The following BBIP1 variants were observed in gnomAD, a reference collection of about 807,000 sequenced individuals.
BBIP1 encodes the protein BBSome interacting protein 1.
In BBIP1, 6 loss-of-function variants were observed where a neutral mutation model predicts 8.9. The observed-to-expected ratio is 0.67, with a 90% confidence interval of 0.37 to 1.33. The LOEUF is 1.33. BBIP1 is among the 40% of genes most tolerant of loss of function. The probability of loss-of-function intolerance (pLI) is 0.02; values close to 1 mark genes in which losing one functional copy is unlikely to be tolerated. For synonymous variants in BBIP1, 32 were observed against 33.4 expected (o/e 0.96, Z 0.14); for missense variants, 111 against 109.2 (o/e 1.02, Z -0.07).
At position 110,899,526 on chromosome 10, in the gene BBIP1, G is replaced by C. The variant is rs188713884; in HGVS notation, c.*834C>G. The C allele has an allele frequency of 6.6e-6, 1 of 152,198 alleles. No homozygotes were observed. The highest frequency in any genetic ancestry group is 1.5e-5 in the Non-Finnish European group (1 of 68,076). 9.4% of individuals were successfully genotyped at this position (152,198 alleles called of 1,614,324 possible). The stretch of plus-strand genomic sequence containing the variant: ...AAAATGAGATTTAAGGGCTGGGCAC[G>C]GTGGCTCATGCCTGTAATCCCAGCA... On this transcript the variant is annotated 3_prime_UTR_variant, in exon 4 of 4. Transcript: ENST00000448814.
chr10:110,901,834 C>A (rs1366534661), intron 2 of BBIP1: 9 of 492,126 alleles, frequency 1.8e-5, no homozygotes, highest in Non-Finnish European at 3.7e-6. Flanking sequence ...AACTACAAGG[C>A]TAGGTGTTGT....
chr10:110,915,561 C>A (rs771304848), intron 2 of BBIP1, among the ~76,000 whole-genome samples: 3 of 152,158 alleles, frequency 2.0e-5, no homozygotes, highest in Non-Finnish European at 4.4e-5. Context: ...GAATTCAATA[C>A]GTCCCCTAAC....
At chr10:110,901,461 A>T in intron 3 of BBIP1, 77 bp downstream of exon 3, 3 of 992,860 alleles carry the variant, frequency 3.0e-6, no homozygotes, top group African/African-American at 1.6e-5. Context: ...TTAGCTATTA[A>T]GCCTGCTATG....
intron 2 of BBIP1, among the ~76,000 whole-genome samples, chr10:110,917,772 T>C (rs1241818667): frequency 6.6e-6 from 1 of 152,204 alleles, no homozygotes; most frequent in Non-Finnish European, 1.5e-5. Flanking sequence ...ACGAATCTGA[T>C]ACAAACCATT....
intron 2 of BBIP1, chr10:110,910,678 G>T (rs1199058264): frequency 6.6e-6 from 1 of 152,242 alleles, no homozygotes. Context: ...CTGCCAGTGG[G>T]TGATAAGGAA....
At chr10:110,901,673 T>C in intron 2 of BBIP1, 61 bp from the exon 3 acceptor site, 2 of 1,274,394 alleles carry the variant, frequency 1.6e-6, no homozygotes, top group East Asian at 2.5e-5. Flanking sequence ...CCTGAGACAT[T>C]TCCATTGTAG....
chr10:110,901,070 G>T (rs1316422658), intron 3 of BBIP1: 1 of 440,832 alleles, frequency 2.3e-6, no homozygotes, highest in African/African-American at 2.0e-5. Context: ...TGGATTGTTT[G>T]TTTGAGCCCA....
chr10:110,900,781 T>C, intron 3 of BBIP1: 1 of 377,678 alleles, frequency 2.6e-6, no homozygotes, highest in East Asian at 4.9e-5. Context: ...AAGACACAAC[T>C]TTTTGTGTCA....
chr10:110,906,470 G>C (rs1438385898), intron 2 of BBIP1: 3 of 152,162 alleles, frequency 2.0e-5, no homozygotes, highest in Non-Finnish European at 4.4e-5. Context: ...AAAGTTATTG[G>C]CCATATATCT....
Position 110,900,334 on chromosome 10 carries a change from T to C in BBIP1, c.*26A>G, listed in dbSNP as rs564827233. On this transcript the variant is annotated 3_prime_UTR_variant, in exon 4 of 4. Transcript: ENST00000448814. ...TTGTTAAATAGTAGATAAGGCAGGT[T>C]GTTCCCTAAAGTGCTCAGTTATCAT... The C allele has an allele frequency of 3.3e-6, 5 of 1,515,104 alleles. No homozygotes were observed. In the African/African-American group the frequency reaches 4.2e-5, roughly 13 times the overall value. 93.9% of individuals were successfully genotyped at this position (1,515,104 alleles called of 1,614,324 possible). A position where few individuals can be genotyped will look rare whatever the true frequency, so the allele number is the denominator to read the frequency against.
rs538176374 is a variant in BBIP1, at chr10:110,912,933, T to C, written c.37+5188A>G. ...AGTTTTAAAGTTAGAAATAGAATCC[T>C]TGAGCATATCCTAGGATTCCGTGTG... On this transcript the variant is annotated intron_variant, in intron 2 of 3. Coordinates refer to ENST00000448814, the MANE Select transcript of BBIP1 (RefSeq NM_001195305.3). Among the ~76,000 whole-genome samples, 31 of 152,340 alleles carry C rather than the reference T, an allele frequency of 2.0e-4. No individual in the cohort carries two copies. The South Asian group carries it at 6.0e-3, about 30-fold the overall frequency.
At chr10:110,901,479 G>T in intron 3 of BBIP1, 59 bp downstream of exon 3, 1 of 1,231,584 alleles carries the variant, frequency 8.1e-7, no homozygotes, top group Non-Finnish European at 1.2e-6. Context: ...ATGTGACACT[G>T]CCTATGACTT....
chr10:110,913,256 TA>T (rs1846320322), intron 2 of BBIP1, among the ~76,000 whole-genome samples: 1 of 152,210 alleles, frequency 6.6e-6, no homozygotes, highest in Non-Finnish European at 1.5e-5. Flanking sequence ...TCCTGGGTTG[TA>T]AGGGTCAAGT....
Position 110,907,470 on chromosome 10 carries a change from G to A in BBIP1, c.38-5858C>T, listed in dbSNP as rs144455381. ...TTAGGTTGCAGTGAGATATGATCAC[G>A]CCACTGCATTCTAGCTTAGGTGACA... On this transcript the variant is annotated intron_variant, in intron 2 of 3. Coordinates refer to ENST00000448814, the MANE Select transcript of BBIP1 (RefSeq NM_001195305.3). The A allele has an allele frequency of 4.5e-4, 176 of 388,160 alleles. 1 individual carries two copies. In the East Asian group the frequency reaches 7.4e-3, roughly 16 times the overall value. 24.0% of individuals were successfully genotyped at this position (388,160 alleles called of 1,614,324 possible).
intron 2 of BBIP1, chr10:110,902,472 A>C (rs1446652643): frequency 6.6e-6 from 1 of 152,204 alleles, no homozygotes; most frequent in Non-Finnish European, 1.5e-5. Flanking sequence ...CTTACCATGC[A>C]TCTTTCACAA....
At chr10:110,911,787 C>G (rs747694804) in intron 2 of BBIP1, 4 of 152,070 alleles carry the variant, frequency 2.6e-5, no homozygotes, top group Admixed American at 6.5e-5. Flanking sequence ...TTTCAGTTTT[C>G]TCTATGCTAC....
intron 2 of BBIP1, chr10:110,901,837 G>C (rs112847194): frequency 2.1e-6 from 1 of 481,222 alleles, no homozygotes; most frequent in African/African-American, 1.9e-5. Context: ...TACAAGGCTA[G>C]GTGTTGTAAT....
intron 3 of BBIP1, chr10:110,901,035 C>T: frequency 1.8e-5 from 7 of 393,592 alleles, no homozygotes; most frequent in South Asian, 1.3e-4. Context: ...CCTGTTATCC[C>T]AGCACTTTGG....
intron 2 of BBIP1, among the ~76,000 whole-genome samples, chr10:110,905,867 A>G (rs962103101): frequency 2.6e-5 from 4 of 152,176 alleles, no homozygotes; most frequent in African/African-American, 9.7e-5. Flanking sequence ...TAATCTAAAC[A>G]TAACAGCAAT....
Sources: gnomAD v4.1 joint callset for allele counts (sites outside exome capture counted in the v4.1 genomes callset) on GRCh38, gnomAD v4.1.1 for gene constraint, MANE v1.5 for transcripts, NCBI Gene and HGNC (gene_info 2026-07-23, HGNC 2026-07-21) for gene names.